TMC2: variants seen among roughly 807,000 people sequenced by gnomAD.
TMC2 encodes transmembrane channel like 2.
Under a neutral mutation model 105.9 loss-of-function variants are expected in TMC2, and 102 were observed. The observed-to-expected ratio is 0.96, with a 90% CI of 0.82 to 1.14. TMC2 has a LOEUF of 1.14. Ranked by LOEUF, TMC2 falls within the 50% of genes most tolerant of loss-of-function variation. TMC2 has a pLI of 0.00. For missense variants in TMC2, 1,093 were observed against 1,134.3 expected (o/e 0.96, Z 0.52); for synonymous variants, 402 against 422.8 (o/e 0.95, Z 0.60).
At chr20:2,559,032 C>G (rs1300503122) in intron 3 of TMC2, among the ~76,000 whole-genome samples, 3 of 152,070 alleles carry the variant, frequency 2.0e-5, no homozygotes, top group East Asian at 3.9e-4. Context: ...TCGTGGCACC[C>G]GGTGAGGCGG....
At position 2,553,651 on chromosome 20, in the gene TMC2, T is replaced by C. The variant is rs188016639; in HGVS notation, c.83-4805T>C. ...ATGCTAAAGAAATTGTATTATTTCTTCTTTAAACATTTGACAAAATCACCA... is the reference window on the plus strand; with the variant it reads ...ATGCTAAAGAAATTGTATTATTTCTCCTTTAAACATTTGACAAAATCACCA... On this transcript the variant is annotated intron_variant, in intron 2 of 19. Transcript: ENST00000358864. Among the ~76,000 whole-genome samples the C allele has an allele frequency of 2.8e-3, 423 of 152,352 alleles. 1 individual carries two copies. The highest frequency in any genetic ancestry group is 9.0e-3 in the African/African-American group (375 of 41,580).
intron 18 of TMC2, 51 bp from the exon 19 acceptor site, chr20:2,637,423 C>T (rs571457772): frequency 1.6e-6 from 2 of 1,213,668 alleles, no homozygotes; most frequent in Admixed American, 3.6e-5. Flanking sequence ...ACCTCTGAGC[C>T]TCAAAGACCC....
At chr20:2,588,525 C>A (rs954719623) in intron 7 of TMC2, among the ~76,000 whole-genome samples, 11 of 152,198 alleles carry the variant, frequency 7.2e-5, no homozygotes, top group African/African-American at 2.7e-4. Context: ...AAATCCAAAG[C>A]AGTAGATATC....
At chr20:2,591,297 TTAGACTAAATAAC>T (rs2086266134) in intron 7 of TMC2, among the ~76,000 whole-genome samples, 5 of 152,328 alleles carry the variant, frequency 3.3e-5, no homozygotes, top group African/African-American at 1.2e-4. Flanking sequence ...CAAAATAATA[TTAGACTAAATAAC>T]TAGACTAAAA....
intron 7 of TMC2, among the ~76,000 whole-genome samples, chr20:2,583,413 CA>C (rs2086209168): frequency 6.6e-6 from 1 of 151,428 alleles, no homozygotes; most frequent in Non-Finnish European, 1.5e-5. Flanking sequence ...CAATGGCCAG[CA>C]AGGAACTGAG....
chr20:2,626,585 G>A (rs1346938392), intron 17 of TMC2, among the ~76,000 whole-genome samples: 1 of 152,240 alleles, frequency 6.6e-6, no homozygotes, highest in Non-Finnish European at 1.5e-5. Flanking sequence ...GATTCTAGAA[G>A]CACATGTAAG....
At chr20:2,549,326 G>C (rs560749851) in intron 2 of TMC2, among the ~76,000 whole-genome samples, 1 of 152,262 alleles carries the variant, frequency 6.6e-6, no homozygotes, top group African/African-American at 2.4e-5. Context: ...AAAGTGCTGG[G>C]ATTATAGGCA....
chr20:2,568,468 T>C (rs981612269), intron 4 of TMC2, among the ~76,000 whole-genome samples: 13 of 152,294 alleles, frequency 8.5e-5, no homozygotes, highest in African/African-American at 2.9e-4. Flanking sequence ...TCTTGGGGGT[T>C]TGCTGGATGT....
intron 2 of TMC2, among the ~76,000 whole-genome samples, chr20:2,543,076 A>T (rs1423904420): frequency 6.6e-6 from 1 of 151,974 alleles, no homozygotes; most frequent in Non-Finnish European, 1.5e-5. Context: ...GTCTCTACTA[A>T]AAATACAAAA....
At chr20:2,615,205 C>T (rs1717160913) in intron 14 of TMC2, among the ~76,000 whole-genome samples, 2 of 152,064 alleles carry the variant, frequency 1.3e-5, no homozygotes, top group Non-Finnish European at 2.9e-5. Flanking sequence ...ACCTGTAATC[C>T]CAGCTACTTG....
chr20:2,613,191 C>T lies in TMC2; in HGVS notation c.1744-3C>T. 1 of 1,611,742 alleles carries T rather than the reference C, an allele frequency of 6.2e-7. No homozygotes were observed. Among genetic ancestry groups the T allele is most frequent in the East Asian group, 2.2e-5 (1 of 44,800 alleles). On this transcript the variant is annotated splice_region_variant and splice_polypyrimidine_tract_variant and intron_variant, in intron 13 of 19. Coordinates refer to ENST00000358864, the MANE Select transcript of TMC2 (RefSeq NM_080751.3). ...CACCCCCTCTTCCTGTGTTCCTCTGCAGGAATTCATGAGGCTGACGGTGTC... is the reference window on the plus strand; with the variant it reads ...CACCCCCTCTTCCTGTGTTCCTCTGTAGGAATTCATGAGGCTGACGGTGTC...
intron 17 of TMC2, among the ~76,000 whole-genome samples, chr20:2,629,867 AT>A (rs2086591076): frequency 6.6e-6 from 1 of 152,256 alleles, no homozygotes; most frequent in African/African-American, 2.4e-5. Context: ...ATTGGAACAT[AT>A]TCATGCTCAT....
chr20:2,624,029 T>C (rs2086545949), intron 16 of TMC2, among the ~76,000 whole-genome samples: 5 of 152,132 alleles, frequency 3.3e-5, no homozygotes, highest in Admixed American at 3.3e-4. Flanking sequence ...GGCTAAGAGG[T>C]TGTAAGTTAC....
At position 2,624,317 on chromosome 20, in the gene TMC2, G is replaced by C; in HGVS notation, c.2227G>C (p.Asp743His). 1 of 1,614,156 alleles carries C rather than the reference G, an allele frequency of 6.2e-7. No individual in the cohort carries two copies. Among genetic ancestry groups the C allele is most frequent in the East Asian group, 2.2e-5 (1 of 44,874 alleles). Residue 743 changes from aspartate (D) to histidine (H), a missense_variant, in exon 17 of 20, where the codon GAT (aspartate) becomes CAT (histidine). Coordinates refer to ENST00000358864, the MANE Select transcript of TMC2 (RefSeq NM_080751.3). ...TGTCCTCCAAGAGACCATTGAAAAC[G>C]ATTTCCCAACCTTCCTGGGCAAGAT... ...YDVLQETIEN[D>H]FPTFLGKIFA...
intron 11 of TMC2, among the ~76,000 whole-genome samples, chr20:2,609,180 G>T (rs886697308): frequency 6.6e-6 from 1 of 152,152 alleles, no homozygotes; most frequent in Non-Finnish European, 1.5e-5. Context: ...TGTTTTGGGG[G>T]CCTCATTCCT....
At chr20:2,612,064 C>A in intron 12 of TMC2, 127 bp from the exon 13 acceptor site, 1 of 905,730 alleles carries the variant, frequency 1.1e-6, no homozygotes, top group Non-Finnish European at 1.6e-6. Context: ...TTTGGAAGGA[C>A]TCTGTCCAGG....
intron 7 of TMC2, among the ~76,000 whole-genome samples, chr20:2,586,252 A>C (rs1351817281): frequency 6.6e-6 from 1 of 152,180 alleles, no homozygotes; most frequent in Non-Finnish European, 1.5e-5. Flanking sequence ...GAGACTAAAA[A>C]GATGTTATCT....
Position 2,617,145 on chromosome 20 carries a change from T to C in TMC2, c.2014T>C (p.Cys672Arg). The C allele has an allele frequency of 6.2e-7, 1 of 1,614,234 alleles. No homozygotes were observed. Among genetic ancestry groups the C allele is most frequent in the Non-Finnish European group, 8.5e-7 (1 of 1,180,048 alleles). Residue 672 changes from cysteine to arginine, a missense_variant, in exon 16 of 20, where the codon TGC becomes CGC. Cys to Arg is a radical substitution (Grantham distance 180, BLOSUM62 -3). Coordinates refer to ENST00000358864, the MANE Select transcript of TMC2 (RefSeq NM_080751.3). ...CCTGCTGACCTCCATGTACTTCCAGTGCTGGGCGGTGATGAGCAGCAACGT... is the reference window on the plus strand; with the variant it reads ...CCTGCTGACCTCCATGTACTTCCAGCGCTGGGCGGTGATGAGCAGCAACGT... Reference protein sequence around the residue: ...LRLLTSMYFQCWAVMSSNVPH... With the variant: ...LRLLTSMYFQRWAVMSSNVPH...
chr20:2,552,300 C>T (rs1490149682), intron 2 of TMC2, among the ~76,000 whole-genome samples: 1 of 152,116 alleles, frequency 6.6e-6, no homozygotes, highest in Non-Finnish European at 1.5e-5. Context: ...TATCAATATC[C>T]ACAGAATAAT....
Sources: gnomAD v4.1 joint callset for allele counts (sites outside exome capture counted in the v4.1 genomes callset) on GRCh38, gnomAD v4.1.1 for gene constraint, MANE v1.5 for transcripts, NCBI Gene and HGNC (gene_info 2026-07-23, HGNC 2026-07-21) for gene names.